Variants in AKAP19 observed in about 807,000 individuals in gnomAD.
The protein encoded by AKAP19 is A-kinase anchoring protein 19, also known as small A-kinase anchoring protein.
At chr2:189,963,199 C>CTTTTTTTTTTTTTTT in the AKAP19 span, among the ~76,000 whole-genome samples, 4 of 136,842 alleles carry the variant, frequency 2.9e-5, no homozygotes, top group East Asian at 2.1e-4. Flanking sequence ...CTTCACTTCT[C>CTTTTTTTTTTTTTTT]TTTTTTTTTT....
the AKAP19 span, among the ~76,000 whole-genome samples, chr2:190,150,626 T>C: frequency 3.9e-5 from 6 of 152,210 alleles, no homozygotes; most frequent in Non-Finnish European, 8.8e-5. Context: ...TCAGGATTGC[T>C]GGTTTGTTCT....
chr2:190,022,107 A>G, the AKAP19 span, among the ~76,000 whole-genome samples: 1 of 152,158 alleles, frequency 6.6e-6, no homozygotes, highest in East Asian at 1.9e-4. Context: ...GCATTAATTA[A>G]TCCATTCATG....
At chr2:189,915,881 T>C in the AKAP19 span, among the ~76,000 whole-genome samples, 3 of 152,184 alleles carry the variant, frequency 2.0e-5, no homozygotes, top group Non-Finnish European at 4.4e-5. Flanking sequence ...ATGAAAAATA[T>C]ATTTTTTGCT....
chr2:190,133,745 C>CA, the AKAP19 span, among the ~76,000 whole-genome samples: 1 of 152,100 alleles, frequency 6.6e-6, no homozygotes, highest in Non-Finnish European at 1.5e-5. Flanking sequence ...CACAGAAACA[C>CA]AAAAACTACA....
the AKAP19 span, among the ~76,000 whole-genome samples, chr2:190,109,724 T>C: frequency 1.3e-5 from 2 of 152,180 alleles, no homozygotes; most frequent in African/African-American, 2.4e-5. Flanking sequence ...GTTTCTAAAG[T>C]CCTTAAAATA....
chr2:189,893,545 G>A, the AKAP19 span, among the ~76,000 whole-genome samples: 2 of 152,194 alleles, frequency 1.3e-5, no homozygotes, highest in African/African-American at 4.8e-5. Context: ...TCCATGGGCT[G>A]CACCTGCTTT....
the AKAP19 span, among the ~76,000 whole-genome samples, chr2:190,023,101 T>C: frequency 6.6e-6 from 1 of 152,204 alleles, no homozygotes; most frequent in Non-Finnish European, 1.5e-5. Context: ...TTTCATTTTA[T>C]GTTTATGTCT....
At chr2:190,004,374 G>A in the AKAP19 span, among the ~76,000 whole-genome samples, 1 of 152,168 alleles carries the variant, frequency 6.6e-6, no homozygotes, top group Non-Finnish European at 1.5e-5. Context: ...TTTGCTCAAA[G>A]TCCTCCCCTA....
At chr2:190,202,270 A>G in the AKAP19 span, 1 of 167,038 alleles carries the variant, frequency 6.0e-6, no homozygotes, top group Non-Finnish European at 1.5e-5. Flanking sequence ...TCACATTTTA[A>G]TAGAGTACAA....
At chr2:190,192,193 C>A in the AKAP19 span, among the ~76,000 whole-genome samples, 73 of 151,794 alleles carry the variant, frequency 4.8e-4, no homozygotes, top group Non-Finnish European at 9.1e-4. Flanking sequence ...TGTTCCAATC[C>A]CATTTGTTGA....
the AKAP19 span, among the ~76,000 whole-genome samples, chr2:190,115,753 T>C: frequency 1.1e-4 from 16 of 152,334 alleles, no homozygotes; most frequent in African/African-American, 3.8e-4. Flanking sequence ...TTCTTTGTGA[T>C]GTCCTTTCCT....
At chr2:190,199,901 C>T in the AKAP19 span, 1 of 1,613,974 alleles carries the variant, frequency 6.2e-7, no homozygotes, top group Non-Finnish European at 8.5e-7. Flanking sequence ...CCATTTCCTA[C>T]CATATATGAA....
the AKAP19 span, among the ~76,000 whole-genome samples, chr2:190,046,657 G>A: frequency 2.0e-5 from 3 of 152,308 alleles, no homozygotes; most frequent in East Asian, 3.9e-4. Context: ...CTTGAAATGA[G>A]AGGATTATTC....
chr2:189,945,974 A>G, the AKAP19 span, among the ~76,000 whole-genome samples: 1 of 152,198 alleles, frequency 6.6e-6, no homozygotes, highest in Non-Finnish European at 1.5e-5. Flanking sequence ...GACACTTTCA[A>G]AAATGGAGAT....
the AKAP19 span, chr2:190,163,814 A>G: frequency 6.6e-6 from 1 of 152,200 alleles, no homozygotes; most frequent in East Asian, 1.9e-4. Flanking sequence ...TTCCAGAAAG[A>G]ATATGCATGA....
At chr2:190,060,923 T>C in the AKAP19 span, among the ~76,000 whole-genome samples, 1 of 151,964 alleles carries the variant, frequency 6.6e-6, no homozygotes, top group Non-Finnish European at 1.5e-5. Flanking sequence ...CAGGAATTAG[T>C]AGAAAACACA....
At chr2:189,927,997 A>AT in the AKAP19 span, among the ~76,000 whole-genome samples, 1 of 152,010 alleles carries the variant, frequency 6.6e-6, no homozygotes, top group South Asian at 2.1e-4. Flanking sequence ...GTAAAAGATG[A>AT]TTTTTTTCCT....
At chr2:189,901,921 A>G in the AKAP19 span, among the ~76,000 whole-genome samples, 1 of 152,162 alleles carries the variant, frequency 6.6e-6, no homozygotes, top group Non-Finnish European at 1.5e-5. Context: ...TATTATAAGT[A>G]CTATGTATGA....
At chr2:190,027,978 G>A in the AKAP19 span, among the ~76,000 whole-genome samples, 1 of 152,078 alleles carries the variant, frequency 6.6e-6, no homozygotes, top group Admixed American at 6.6e-5. Flanking sequence ...GTAATTTTGT[G>A]TATGAAATTC....
Sources: allele counts gnomAD v4.1 joint callset (sites outside exome capture counted in the v4.1 genomes callset), GRCh38; gene constraint gnomAD v4.1.1; transcripts MANE v1.5; gene names NCBI Gene and HGNC (gene_info 2026-07-23, HGNC 2026-07-21).